SCN8A: variants seen among roughly 807,000 people sequenced by gnomAD.
SCN8A encodes sodium channel protein type 8 subunit alpha.
Under a neutral mutation model 184.1 loss-of-function variants are expected in SCN8A, and 30 were observed. The observed-to-expected ratio is 0.16, with a 90% CI of 0.12 to 0.22. The LOEUF is 0.22. Among genes scored for constraint, SCN8A ranks in the 10% least tolerant of loss-of-function variants. The pLI, the probability that SCN8A is intolerant of heterozygous loss-of-function variation, is 1.00. For missense variants in SCN8A, 1,057 were observed against 2,498.9 expected (o/e 0.42, Z 12.30); for synonymous variants, 852 against 907.0 (o/e 0.94, Z 1.09).
intron 1 of SCN8A, among the ~76,000 whole-genome samples, chr12:51,603,583 G>C (rs1358123474): frequency 3.9e-5 from 6 of 152,170 alleles, no homozygotes; most frequent in African/African-American, 1.2e-4. Context: ...TATAGTAAGT[G>C]TATGTTTACC....
At chr12:51,752,657 C>T (rs1474112941) in intron 14 of SCN8A, among the ~76,000 whole-genome samples, 1 of 152,120 alleles carries the variant, frequency 6.6e-6, no homozygotes, top group African/African-American at 2.4e-5. Context: ...CCCTTGTGTG[C>T]AGTCCAGTGG....
chr12:51,685,620 G>A (rs1036694561), intron 3 of SCN8A, among the ~76,000 whole-genome samples: 11 of 152,184 alleles, frequency 7.2e-5, no homozygotes, highest in Non-Finnish European at 4.4e-5. Flanking sequence ...AAGTGTGGTG[G>A]TGCAGATGTC....
chr12:51,594,794 T>C (rs1269041892), intron 1 of SCN8A, among the ~76,000 whole-genome samples: 1 of 152,210 alleles, frequency 6.6e-6, no homozygotes, highest in African/African-American at 2.4e-5. Context: ...TTCCAGTCTT[T>C]TTTTTTCCCA....
intron 25 of SCN8A, among the ~76,000 whole-genome samples, chr12:51,791,457 C>A (rs1287985444): frequency 1.3e-5 from 2 of 151,826 alleles, no homozygotes; most frequent in Non-Finnish European, 2.9e-5. Context: ...TAAGCACCAG[C>A]CCAAGTATCT....
At chr12:51,724,228 C>T (rs887451752) in intron 12 of SCN8A, among the ~76,000 whole-genome samples, 3 of 152,160 alleles carry the variant, frequency 2.0e-5, no homozygotes, top group Non-Finnish European at 4.4e-5. Flanking sequence ...GGCAGATCAC[C>T]TGAGGTCTGG....
intron 16 of SCN8A, 41 bp from the exon 17 acceptor site, chr12:51,768,824 T>G (rs768976827): frequency 6.7e-7 from 1 of 1,498,002 alleles, no homozygotes; most frequent in East Asian, 2.3e-5. Flanking sequence ...GATGGATAAC[T>G]TTTCTGCATT....
intron 2 of SCN8A, among the ~76,000 whole-genome samples, chr12:51,667,572 G>T (rs1008840356): frequency 4.6e-5 from 7 of 151,794 alleles, no homozygotes; most frequent in Non-Finnish European, 1.0e-4. Context: ...GAAAAATTAA[G>T]GACTTTTTCT....
chr12:51,805,909 A>G (rs1012546437), intron 26 of SCN8A, among the ~76,000 whole-genome samples: 3 of 151,862 alleles, frequency 2.0e-5, no homozygotes, highest in African/African-American at 7.3e-5. Context: ...GCTTACTACA[A>G]CCTCCACCTA....
intron 1 of SCN8A, among the ~76,000 whole-genome samples, chr12:51,645,484 G>T (rs1445665050): frequency 6.6e-6 from 1 of 152,096 alleles, no homozygotes; most frequent in African/African-American, 2.4e-5. Flanking sequence ...AACGGGCCAT[G>T]ATGACAATGG....
At chr12:51,668,529 A>T (rs2093675673) in intron 2 of SCN8A, among the ~76,000 whole-genome samples, 1 of 152,144 alleles carries the variant, frequency 6.6e-6, no homozygotes, top group South Asian at 2.1e-4. Flanking sequence ...TGGGCAGGGA[A>T]ATAGAAGAAA....
At position 51,769,256 on chromosome 12, in the gene SCN8A, T is replaced by C. The variant is rs1238494045; in HGVS notation, c.3293T>C (p.Ile1098Thr). 6.2e-7 allele frequency: 1 copy of C among 1,612,668 alleles called. No individual in the cohort carries two copies. Among genetic ancestry groups the C allele is most frequent in the Non-Finnish European group, 8.5e-7 (1 of 1,178,794 alleles). ...NNPNLTVRVP[I>T]AVGESDFENL... The stretch of plus-strand genomic sequence containing the variant: ...CCCAACTTGACTGTACGGGTACCCA[T>C]TGCTGTGGGCGAGTCTGACTTTGAG... Residue 1098 changes from isoleucine to threonine, a missense_variant, in exon 17 of 27, where the codon ATT becomes ACT. By Grantham distance (89) the Ile-to-Thr change is moderately conservative (BLOSUM62 -1). This residue lies in a region of SCN8A where 178 missense variants were observed against 259.6 expected (regional missense o/e 0.69). Transcript: ENST00000627620.
At chr12:51,793,045 G>A (rs1352201389) in intron 25 of SCN8A, among the ~76,000 whole-genome samples, 1 of 152,100 alleles carries the variant, frequency 6.6e-6, no homozygotes, top group Non-Finnish European at 1.5e-5. Flanking sequence ...CACCGCACCT[G>A]GCCATGATCC....
chr12:51,715,628 A>G (rs931359055), intron 11 of SCN8A, among the ~76,000 whole-genome samples: 3 of 134,958 alleles, frequency 2.2e-5, no homozygotes, highest in African/African-American at 8.3e-5. Flanking sequence ...ACTGCACTTC[A>G]GCCTGGGTGA....
At chr12:51,624,004 T>G (rs1940022259) in intron 1 of SCN8A, among the ~76,000 whole-genome samples, 1 of 152,232 alleles carries the variant, frequency 6.6e-6, no homozygotes, top group Admixed American at 6.5e-5. Flanking sequence ...CTTAATCCAG[T>G]CTATCATTGT....
chr12:51,591,649 G>A (rs573248267), intron 1 of SCN8A, among the ~76,000 whole-genome samples: 71 of 152,232 alleles, frequency 4.7e-4, no homozygotes, highest in African/African-American at 1.6e-3. Flanking sequence ...GCTACAGTGA[G>A]GGACACGGCC....
intron 1 of SCN8A, among the ~76,000 whole-genome samples, chr12:51,629,402 C>T (rs1940148933): frequency 6.6e-6 from 1 of 152,074 alleles, no homozygotes; most frequent in African/African-American, 2.4e-5. Flanking sequence ...CACTACTTGC[C>T]TGTGGTTCCC....
intron 1 of SCN8A, among the ~76,000 whole-genome samples, chr12:51,661,864 C>T (rs958862544): frequency 6.6e-6 from 1 of 152,210 alleles, no homozygotes; most frequent in African/African-American, 2.4e-5. Flanking sequence ...GGAAAATGAG[C>T]TTTTCAAATA....
chr12:51,725,123 C>T (rs1012733624), intron 12 of SCN8A, among the ~76,000 whole-genome samples: 2 of 152,160 alleles, frequency 1.3e-5, no homozygotes, highest in African/African-American at 2.4e-5. Context: ...GTAGGCAAGA[C>T]CATATCATTC....
chr12:51,768,715 T>C, intron 16 of SCN8A, 150 bp from the exon 17 acceptor site: 1 of 582,454 alleles, frequency 1.7e-6, no homozygotes, highest in Non-Finnish European at 2.9e-6. Flanking sequence ...CCTGGTAACA[T>C]GAGCATTAAA....
Sources: gnomAD v4.1 joint callset for allele counts (sites outside exome capture counted in the v4.1 genomes callset) on GRCh38, gnomAD v4.1.1 for gene constraint, gnomAD v4.1.1 regional missense constraint, MANE v1.5 for transcripts, NCBI Gene and HGNC (gene_info 2026-07-23, HGNC 2026-07-21) for gene names.